VCAN: variants seen among roughly 807,000 people sequenced by gnomAD.
The protein encoded by VCAN is versican.
A neutral mutation model predicts 245.5 loss-of-function variants in VCAN; 44 were observed. The observed-to-expected ratio is 0.18, with a 90% CI of 0.14 to 0.23. The LOEUF is 0.23. Among genes scored for constraint, VCAN ranks in the 10% least tolerant of loss-of-function variants. The pLI, the probability that VCAN is intolerant of heterozygous loss-of-function variation, is 1.00. For missense variants in VCAN, 3,793 were observed against 4,057.9 expected (o/e 0.93, Z 1.77); for synonymous variants, 1,413 against 1,437.0 (o/e 0.98, Z 0.38).
At position 83,537,489 on chromosome 5, in the gene VCAN, G is replaced by C. The variant is rs1444576572; in HGVS notation, c.4486G>C (p.Gly1496Arg). The C allele has an allele frequency of 3.1e-6, 5 of 1,613,918 alleles. No individual in the cohort carries two copies. Among genetic ancestry groups the C allele is most frequent in the South Asian group, 1.1e-5 (1 of 91,080 alleles). The change falls in exon 8 of 15, where the codon GGT becomes CGT. Residue 1496 changes from glycine to arginine, a missense_variant. By Grantham distance (125) the Gly-to-Arg change is moderately radical. Transcript: ENST00000265077. ...YPETSEHFSG[G>R]EPDVFPTVPF... ...TGAAACATCAGAACATTTTTCAGGT[G>C]GTGAGCCTGATGTTTTCCCCACAGT...
chr5:83,537,085 C>T lies in VCAN; in HGVS notation c.4082C>T (p.Thr1361Ile), dbSNP rs768462682. 2.5e-6 allele frequency: 4 copies of T among 1,613,700 alleles called. No homozygotes were observed. The highest frequency in any genetic ancestry group is 2.5e-6 in the Non-Finnish European group (3 of 1,179,802). ...SKEDEPCSEE[T>I]DPVHDLMAEI... ...GAAGATGAACCTTGTAGTGAAGAAA[C>T]AGATCCAGTGCATGATCTAATGGCT... The change falls in exon 8 of 15, where the codon ACA becomes ATA. Residue 1361 changes from threonine to isoleucine, a missense_variant. Physicochemically the swap from Thr to Ile is moderately conservative, Grantham distance 89. Transcript: ENST00000265077.
chr5:83,558,994 C>G (rs997803896), intron 12 of VCAN, among the ~76,000 whole-genome samples: 1 of 152,052 alleles, frequency 6.6e-6, no homozygotes, highest in Admixed American at 6.6e-5. Flanking sequence ...TGGCTTTCTC[C>G]TAACCTAGTT....
Position 83,538,292 on chromosome 5 carries a change from A to C in VCAN, c.5289A>C (p.Thr1763=). Residue 1763 remains threonine (T), a synonymous_variant, in exon 8 of 15, where the codon ACA becomes ACC. Coordinates refer to ENST00000265077, the MANE Select transcript of VCAN (RefSeq NM_004385.5). The part of the protein sequence containing the change: ...PFELESPNVA[T]SSDSGTRKSF... ...AATTAGAAAGTCCAAATGTAGCTAC[A>C]TCTAGTGATTCAGGTACCAGGAAAA... 6.2e-7 allele frequency: 1 copy of C among 1,614,108 alleles called. No homozygotes were observed. Among genetic ancestry groups the C allele is most frequent in the South Asian group, 1.1e-5 (1 of 91,080 alleles).
intron 9 of VCAN, among the ~76,000 whole-genome samples, chr5:83,546,855 T>G (rs1747248029): frequency 6.6e-6 from 1 of 152,222 alleles, no homozygotes; most frequent in Non-Finnish European, 1.5e-5. Flanking sequence ...GCTTTGTATA[T>G]TCATTTAAAA....
At chr5:83,536,216 A>T (rs1746700260) in intron 7 of VCAN, 1 of 152,170 alleles carries the variant, frequency 6.6e-6, no homozygotes, top group African/African-American at 2.4e-5. Context: ...CAAGAACTAA[A>T]ATCAGCCTAA....
chr5:83,570,088 T>G (rs952176377), intron 12 of VCAN, among the ~76,000 whole-genome samples: 5 of 152,094 alleles, frequency 3.3e-5, no homozygotes, highest in African/African-American at 1.2e-4. Flanking sequence ...TGTGAGTTCC[T>G]GGTTGCAGGG....
intron 2 of VCAN, among the ~76,000 whole-genome samples, chr5:83,486,821 T>C (rs1744806775): frequency 6.6e-6 from 1 of 152,184 alleles, no homozygotes; most frequent in South Asian, 2.1e-4. Flanking sequence ...TCAGGAGAAT[T>C]TTTTTATATC....
chr5:83,540,692 C>T lies in VCAN; in HGVS notation c.7689C>T (p.Ile2563=). The change falls in exon 8 of 15, where the codon ATC becomes ATT. Residue 2563 remains isoleucine (I), a synonymous_variant. Coordinates refer to ENST00000265077, the MANE Select transcript of VCAN (RefSeq NM_004385.5). ...DLILTITEST[I]LEILPELTSD... ...TATTGACAATTACAGAGAGTACCAT[C>T]CTTGAAATTCTACCTGAGCTGACAT... The T allele has an allele frequency of 6.2e-7, 1 of 1,613,920 alleles. No individual in the cohort carries two copies. Among genetic ancestry groups the T allele is most frequent in the South Asian group, 1.1e-5 (1 of 91,058 alleles).
intron 5 of VCAN, among the ~76,000 whole-genome samples, chr5:83,496,372 G>A (rs1745162320): frequency 6.6e-6 from 1 of 152,114 alleles, no homozygotes; most frequent in South Asian, 2.1e-4. Flanking sequence ...CTACATACTT[G>A]GTGACTGAAA....
chr5:83,547,947 T>G, intron 9 of VCAN, 24 bp from the exon 10 acceptor site: 63 of 1,523,386 alleles, frequency 4.1e-5, no homozygotes, highest in Non-Finnish European at 5.5e-5. Flanking sequence ...AAGTATTTTG[T>G]GAGCTTTTAC....
At chr5:83,552,177 T>C (rs1169879300) in intron 10 of VCAN, among the ~76,000 whole-genome samples, 1 of 152,172 alleles carries the variant, frequency 6.6e-6, no homozygotes, top group Non-Finnish European at 1.5e-5. Context: ...CCCACAGTTA[T>C]AGAAAGAGGA....
chr5:83,536,514 G>A (rs1171966832), intron 7 of VCAN: 1 of 152,944 alleles, frequency 6.5e-6, no homozygotes. Flanking sequence ...AATAGAGAGT[G>A]TATAAATTAT....
At chr5:83,567,540 T>C (rs566185733) in intron 12 of VCAN, among the ~76,000 whole-genome samples, 8 of 152,254 alleles carry the variant, frequency 5.3e-5, no homozygotes, top group South Asian at 4.1e-4. Context: ...GACCTCGTGA[T>C]CCACCCGCCT....
chr5:83,580,376 T>C lies in VCAN; in HGVS notation c.10133T>C (p.Ile3378Thr), dbSNP rs1359331141. ...KNSSSAKDNS[I>T]NTSKHDHRWS... ...TCCTCATCAGCAAAGGACAATTCAA[T>C]AAATACATCCAAACATGATCATCGT... is the stretch of plus-strand genomic sequence containing the variant. Residue 3378 changes from isoleucine to threonine, a missense_variant, in exon 15 of 15, where the codon ATA becomes ACA. Ile to Thr is a moderately conservative substitution (Grantham distance 89). Coordinates refer to ENST00000265077, the MANE Select transcript of VCAN (RefSeq NM_004385.5). 6.2e-7 allele frequency: 1 copy of C among 1,614,004 alleles called. No homozygotes were observed.
At chr5:83,532,718 A>T (rs1048538276) in intron 7 of VCAN, among the ~76,000 whole-genome samples, 2 of 152,098 alleles carry the variant, frequency 1.3e-5, no homozygotes, top group Non-Finnish European at 2.9e-5. Flanking sequence ...TGTCTAAAAA[A>T]AAATTCAATA....
chr5:83,531,648 C>T (rs1249649452), intron 7 of VCAN, among the ~76,000 whole-genome samples: 3 of 152,072 alleles, frequency 2.0e-5, no homozygotes, highest in African/African-American at 7.2e-5. Flanking sequence ...TAATTAAAAG[C>T]TCTTAAACTT....
intron 5 of VCAN, among the ~76,000 whole-genome samples, chr5:83,497,247 G>C (rs1306098902): frequency 6.6e-6 from 1 of 152,142 alleles, no homozygotes; most frequent in Non-Finnish European, 1.5e-5. Context: ...TATTGTGAAA[G>C]ATATATAGTT....
At chr5:83,529,833 C>A (rs1208764906) in intron 7 of VCAN, among the ~76,000 whole-genome samples, 1 of 152,124 alleles carries the variant, frequency 6.6e-6, no homozygotes, top group African/African-American at 2.4e-5. Context: ...ATGCCTGATA[C>A]ATAGTAATGA....
rs765677245 is a variant in VCAN at position 83,521,435 on chromosome 5, G to T, written c.3129G>T (p.Glu1043Asp). ...TCCCTTGGAAAGAACAGACTGCAGA[G>T]AAACCAGTTCCTGCTCTCAGTTCTA... ...EEFPWKEQTA[E>D]KPVPALSSTA... The change falls in exon 7 of 15, where the codon GAG (glutamate) becomes GAT (aspartate). Residue 1043 changes from glutamate (E) to aspartate (D), a missense_variant. Around this residue, in one of 5 missense-constraint regions of VCAN, gnomAD observed 3,182 missense variants for 3,250.3 expected, o/e 0.98. Transcript: ENST00000265077. 1.2e-6 allele frequency: 2 copies of T among 1,614,162 alleles called. No homozygotes were observed. Among genetic ancestry groups the T allele is most frequent in the East Asian group, 4.5e-5 (2 of 44,872 alleles).
Sources: gnomAD v4.1 joint callset for allele counts (sites outside exome capture counted in the v4.1 genomes callset) on GRCh38, gnomAD v4.1.1 for gene constraint, gnomAD v4.1.1 regional missense constraint, MANE v1.5 for transcripts, NCBI Gene and HGNC (gene_info 2026-07-23, HGNC 2026-07-21) for gene names.